OTULIN: variants seen among roughly 807,000 people sequenced by gnomAD.
OTULIN encodes OTU deubiquitinase with linear linkage specificity, also known as ubiquitin thioesterase otulin.
A neutral mutation model predicts 39.6 loss-of-function variants in OTULIN; 15 were observed. That is an observed-to-expected ratio of 0.38 (90% CI 0.25 to 0.58). OTULIN has a LOEUF of 0.58. OTULIN is among the 20% of genes least tolerant of loss of function. The pLI, the probability that OTULIN is intolerant of heterozygous loss-of-function variation, is 0.66. For synonymous variants in OTULIN, 156 were observed against 170.3 expected (o/e 0.92, Z 0.65); for missense variants, 319 against 445.9 (o/e 0.72, Z 2.56).
chr5:14,665,574 C>G lies in OTULIN; in HGVS notation c.152+597C>G, dbSNP rs1394465712. On this transcript the variant is annotated intron_variant, in intron 1 of 6. Transcript: ENST00000284274. ...ACGATTTGGGAAGAGTTCCTAATTT[C>G]TGCAAGGGTCTGGGGGTACGCGTGG... Among the ~76,000 whole-genome samples, 7 of 152,298 alleles carry G rather than the reference C, an allele frequency of 4.6e-5. No homozygotes were observed. The East Asian group carries it at 1.2e-3, about 25-fold the overall frequency.
In OTULIN at chr5:14,664,936, C is replaced by T; in HGVS notation, c.111C>T (p.Ala37=). 1 of 1,148,786 alleles carries T rather than the reference C, an allele frequency of 8.7e-7. No individual in the cohort carries two copies. The highest frequency in any genetic ancestry group is 1.1e-6 in the Non-Finnish European group (1 of 935,396). 71.2% of individuals were successfully genotyped at this position (1,148,786 alleles called of 1,614,324 possible). ...CGCGGGACGGCGGGAAGGCGGCGGC[C>T]AGCGGGCAGCCGCGGCCCGAGATGC... ...ATARDGGKAA[A]SGQPRPEMQC... is the part of the protein sequence containing the mutation. Residue 37 remains alanine (A), a synonymous_variant, in exon 1 of 7, where the codon GCC becomes GCT. Coordinates refer to ENST00000284274, the MANE Select transcript of OTULIN (RefSeq NM_138348.6).
rs36111454 is a variant in OTULIN at position 14,692,985 on chromosome 5, C to T, written c.996C>T (p.Leu332=). Reference sequence around the variant, plus strand: ...CCAAGGACTGGCCAGTGGTAACGCTCATTGCTGAGGACGATCGGCACTATA... The same window carrying T: ...CCAAGGACTGGCCAGTGGTAACGCTTATTGCTGAGGACGATCGGCACTATA... ...DPPKDWPVVT[L]IAEDDRHYNI... Residue 332 remains leucine (L), a synonymous_variant, in exon 7 of 7, where the codon CTC becomes CTT. Transcript: ENST00000284274. The T allele has an allele frequency of 2.5e-6, 4 of 1,614,170 alleles. No individual in the cohort carries two copies. The highest frequency in any genetic ancestry group is 2.2e-5 in the East Asian group (1 of 44,874).
chr5:14,688,358 A>G (rs1736439122), intron 5 of OTULIN, among the ~76,000 whole-genome samples: 2 of 152,020 alleles, frequency 1.3e-5, no homozygotes, highest in Admixed American at 1.3e-4. Context: ...TCAAGTAGAG[A>G]GGGGTCAAAC....
intron 6 of OTULIN, among the ~76,000 whole-genome samples, chr5:14,692,115 A>T (rs1221963157): frequency 6.6e-6 from 1 of 152,168 alleles, no homozygotes; most frequent in African/African-American, 2.4e-5. Flanking sequence ...TACACCGAGG[A>T]GTGGAATTGC....
intron 1 of OTULIN, among the ~76,000 whole-genome samples, chr5:14,670,914 A>T (rs1482534315): frequency 6.6e-6 from 1 of 152,234 alleles, no homozygotes; most frequent in South Asian, 2.1e-4. Flanking sequence ...CTTGGTGGCC[A>T]TGAAGTAAGC....
At chr5:14,712,134 A>G in the OTULIN span, among the ~76,000 whole-genome samples, 7 of 152,108 alleles carry the variant, frequency 4.6e-5, no homozygotes, top group African/African-American at 1.7e-4. Flanking sequence ...TCAGATCTCT[A>G]CCATCTCAGC....
intron 1 of OTULIN, among the ~76,000 whole-genome samples, chr5:14,670,793 G>C (rs933684675): frequency 2.0e-5 from 3 of 151,408 alleles, no homozygotes; most frequent in Non-Finnish European, 2.9e-5. Flanking sequence ...TTTTGTAGAG[G>C]CGGGGTCTTG....
chr5:14,711,230 T>TGTCA, the OTULIN span: 1 of 1,614,038 alleles, frequency 6.2e-7, no homozygotes. Flanking sequence ...CCACGATGTC[T>TGTCA]GTCACCTCCT....
chr5:14,714,552 T>C, the OTULIN span, among the ~76,000 whole-genome samples: 2 of 152,118 alleles, frequency 1.3e-5, no homozygotes, highest in African/African-American at 4.8e-5. Flanking sequence ...GATATGCTGG[T>C]TTGGAAGGAA....
In OTULIN at chr5:14,692,982, G is replaced by A; in HGVS notation, c.993G>A (p.Thr331=). The change falls in exon 7 of 7, where the codon ACG becomes ACA. Residue 331 remains threonine (T), a synonymous_variant. Coordinates refer to ENST00000284274, the MANE Select transcript of OTULIN (RefSeq NM_138348.6). The part of the protein sequence containing the change: ...TDPPKDWPVV[T]LIAEDDRHYN... ...CACCCAAGGACTGGCCAGTGGTAAC[G>A]CTCATTGCTGAGGACGATCGGCACT... 1 of 1,614,156 alleles carries A rather than the reference G, an allele frequency of 6.2e-7. No homozygotes were observed. Among genetic ancestry groups the A allele is most frequent in the Non-Finnish European group, 8.5e-7 (1 of 1,180,034 alleles).
chr5:14,714,218 C>T, the OTULIN span, among the ~76,000 whole-genome samples: 1 of 152,226 alleles, frequency 6.6e-6, no homozygotes, highest in Non-Finnish European at 1.5e-5. Flanking sequence ...CCCTTTCTCC[C>T]TCCTAATGGT....
At chr5:14,668,853 T>C (rs1179642740) in intron 1 of OTULIN, among the ~76,000 whole-genome samples, 1 of 152,250 alleles carries the variant, frequency 6.6e-6, no homozygotes, top group African/African-American at 2.4e-5. Context: ...TAAGTTCTGC[T>C]TTTAACTCAC....
At chr5:14,711,900 T>C in the OTULIN span, among the ~76,000 whole-genome samples, 7 of 152,158 alleles carry the variant, frequency 4.6e-5, no homozygotes, top group Admixed American at 4.6e-4. Context: ...ACCTTGCCAT[T>C]ATCGACACAC....
At chr5:14,667,366 A>G (rs991981213) in intron 1 of OTULIN, among the ~76,000 whole-genome samples, 2 of 152,194 alleles carry the variant, frequency 1.3e-5, no homozygotes, top group African/African-American at 4.8e-5. Flanking sequence ...AACCACATGG[A>G]TAAGCTACAT....
At position 14,695,764 on chromosome 5, in the gene OTULIN, C is replaced by A. The variant is rs1177405268; in HGVS notation, c.*2716C>A. The A allele has an allele frequency of 2.0e-5, 3 of 152,172 alleles. No individual in the cohort carries two copies. Among genetic ancestry groups the A allele is most frequent in the African/African-American group, 7.2e-5 (3 of 41,430 alleles). The allele number at this position is 152,172 out of a possible 1,614,324, so 9.4% of individuals were successfully genotyped here. The stretch of plus-strand genomic sequence containing the variant: ...GATAGTCACATTAGAGAACAAGAAA[C>A]CAGTAATACATGGTCTCTAACTGAT... On this transcript the variant is annotated 3_prime_UTR_variant, in exon 7 of 7. Transcript: ENST00000284274.
chr5:14,709,958 AAATC>A, the OTULIN span: 16 of 152,398 alleles, frequency 1.0e-4, no homozygotes, highest in South Asian at 3.1e-3. Context: ...AATTCTGACT[AAATC>A]AATTTAGTGA....
rs1579966439 is a variant in OTULIN at position 14,678,600 on chromosome 5, A to ACT, written c.230-81_230-80insCT. 4 of 985,614 alleles carry ACT rather than the reference A, an allele frequency of 4.1e-6. No individual in the cohort carries two copies. In the East Asian group the frequency reaches 1.1e-4, roughly 28 times the overall value. The allele number at this position is 985,614 out of a possible 1,614,324, so 61.1% of individuals were successfully genotyped here. A position where few individuals can be genotyped will look rare whatever the true frequency, so the allele number is the denominator to read the frequency against. On this transcript the variant is annotated intron_variant, in intron 2 of 6. Coordinates refer to ENST00000284274, the MANE Select transcript of OTULIN (RefSeq NM_138348.6). ...CGTGAAGAAAGAAAATGAAGAGTGA[A>ACT]GGGTAACCCCCAACTGAAGCAGTAT...
the OTULIN span, among the ~76,000 whole-genome samples, chr5:14,716,365 T>C: frequency 1.3e-5 from 2 of 152,052 alleles, no homozygotes; most frequent in African/African-American, 4.8e-5. Flanking sequence ...TGGTGGTGGG[T>C]GCCTGTAGTC....
At chr5:14,668,229 G>A (rs1735898323) in intron 1 of OTULIN, among the ~76,000 whole-genome samples, 1 of 152,146 alleles carries the variant, frequency 6.6e-6, no homozygotes, top group African/African-American at 2.4e-5. Flanking sequence ...GCTACAGTTC[G>A]GAGTAGGGAT....
Sources: gnomAD v4.1 joint callset for allele counts (sites outside exome capture counted in the v4.1 genomes callset) on GRCh38, gnomAD v4.1.1 for gene constraint, MANE v1.5 for transcripts, NCBI Gene and HGNC (gene_info 2026-07-23, HGNC 2026-07-21) for gene names.